The following FN1 variants were observed in gnomAD, a reference collection of about 807,000 sequenced individuals.
The protein encoded by FN1 is fibronectin 1.
In FN1, 106 loss-of-function variants were observed where a neutral mutation model predicts 297.3. That is an observed-to-expected ratio of 0.36 (90% CI 0.30 to 0.42). The LOEUF (loss-of-function observed/expected upper bound fraction) is 0.42, where lower values mean the gene tolerates loss of function less well. Ranked by LOEUF, FN1 falls within the 10% of genes least tolerant of loss-of-function variation. The pLI, the probability that FN1 is intolerant of heterozygous loss-of-function variation, is 1.00. For synonymous variants in FN1, 1,149 were observed against 1,152.6 expected (o/e 1.00, Z 0.06); for missense variants, 2,690 against 3,124.9 (o/e 0.86, Z 3.32).
Position 215,424,174 on chromosome 2 carries a change from C to T in FN1, c.1188G>A (p.Gln396=). ...TGTGGTCTGTGCAGAAAGAGTATTT[C>T]TGGTCCTGCTCATAATTCGAAGTTG... ...CSTTSNYEQD[Q]KYSFCTDHTV... The change falls in exon 8 of 46, where the codon CAG becomes CAA. Residue 396 remains glutamine (Q), a synonymous_variant. Coordinates refer to ENST00000354785, the MANE Select transcript of FN1 (RefSeq NM_212482.4). 6.2e-7 allele frequency: 1 copy of T among 1,614,202 alleles called. No homozygotes were observed. The highest frequency in any genetic ancestry group is 8.5e-7 in the Non-Finnish European group (1 of 1,180,042).
intron 30 of FN1, 56 bp downstream of exon 30, chr2:215,383,964 C>A: frequency 6.3e-7 from 1 of 1,580,616 alleles, no homozygotes; most frequent in Non-Finnish European, 8.7e-7. Context: ...GAGAACATTG[C>A]AAAACAGTAT....
At chr2:215,410,652 C>T (rs746218743) in intron 13 of FN1, among the ~76,000 whole-genome samples, 17 of 152,086 alleles carry the variant, frequency 1.1e-4, no homozygotes, top group Non-Finnish European at 2.1e-4. Context: ...GGATTAGAGG[C>T]GTGTGCCACC....
intron 22 of FN1, 37 bp downstream of exon 22, chr2:215,397,643 T>G: frequency 6.3e-7 from 1 of 1,599,288 alleles, no homozygotes; most frequent in African/African-American, 1.3e-5. Context: ...TAGAACAGTT[T>G]TAAAAACTAA....
intron 5 of FN1, among the ~76,000 whole-genome samples, chr2:215,428,836 C>T (rs1407865807): frequency 6.6e-6 from 1 of 151,896 alleles, no homozygotes; most frequent in Non-Finnish European, 1.5e-5. Flanking sequence ...ATGGTGAAAC[C>T]CCCGTCTCTA....
At chr2:215,361,828 A>C (rs1234145388) in intron 45 of FN1, 141 bp downstream of exon 45, 2 of 1,181,306 alleles carry the variant, frequency 1.7e-6, no homozygotes, top group African/African-American at 3.1e-5. Flanking sequence ...TATATTATGG[A>C]ATACAGTGTT....
At chr2:215,365,756 A>AT in intron 42 of FN1, 126 bp from the exon 43 acceptor site, 1 of 749,692 alleles carries the variant, frequency 1.3e-6, no homozygotes, top group South Asian at 1.7e-5. Flanking sequence ...CAAGTTAAAG[A>AT]TAAAAACCCC....
intron 17 of FN1, 47 bp downstream of exon 17, chr2:215,408,061 G>A (rs763202499): frequency 6.9e-7 from 1 of 1,444,364 alleles, no homozygotes; most frequent in African/African-American, 1.4e-5. Flanking sequence ...CCCTGCTGAT[G>A]TCATTAAGAT....
At chr2:215,431,039 C>T (rs1388960126) in intron 4 of FN1, among the ~76,000 whole-genome samples, 187 bp from the exon 5 acceptor site, 2 of 152,130 alleles carry the variant, frequency 1.3e-5, no homozygotes, top group African/African-American at 2.4e-5. Flanking sequence ...AAAGAAAGCT[C>T]AAGCTGAGTT....
At chr2:215,419,211 G>A (rs1288037684) in intron 12 of FN1, 31 bp downstream of exon 12, 19 of 1,609,752 alleles carry the variant, frequency 1.2e-5, no homozygotes, top group Non-Finnish European at 1.4e-5. Flanking sequence ...CCAATTGGCA[G>A]TTCTCAACTT....
chr2:215,382,160 C>G (rs1273777113), intron 32 of FN1, 52 bp downstream of exon 32: 1 of 1,201,626 alleles, frequency 8.3e-7, no homozygotes, highest in Admixed American at 1.7e-5. Context: ...CATTCAGACA[C>G]CCAAGAACAA....
At chr2:215,366,825 T>A (rs1395033190) in intron 42 of FN1, among the ~76,000 whole-genome samples, 9 of 152,126 alleles carry the variant, frequency 5.9e-5, no homozygotes, top group South Asian at 4.1e-4. Flanking sequence ...ACATACAAAC[T>A]TAAACGTAGT....
At chr2:215,391,867 T>C in intron 25 of FN1, 53 bp from the exon 26 acceptor site, 3 of 1,513,724 alleles carry the variant, frequency 2.0e-6, no homozygotes, top group Non-Finnish European at 2.8e-6. Flanking sequence ...AAATTAAAGC[T>C]AACGAAGTAG....
At chr2:215,410,490 G>C (rs2062454289) in intron 13 of FN1, among the ~76,000 whole-genome samples, 1 of 147,664 alleles carries the variant, frequency 6.8e-6, no homozygotes, top group Admixed American at 7.0e-5. Flanking sequence ...CATAGTTGCA[G>C]ACACTGGGCA....
chr2:215,428,548 ATC>A (rs1262455579), intron 5 of FN1, among the ~76,000 whole-genome samples: 3 of 152,202 alleles, frequency 2.0e-5, no homozygotes, highest in African/African-American at 7.2e-5. Flanking sequence ...GTCTAGTTTC[ATC>A]TCTCTGTCAA....
chr2:215,375,857 A>T, intron 36 of FN1, 139 bp from the exon 37 acceptor site: 1 of 698,494 alleles, frequency 1.4e-6, no homozygotes, highest in African/African-American at 1.8e-5. Flanking sequence ...TTTGAACAGT[A>T]AAGTAGAGCA....
At chr2:215,367,397 A>T (rs2054848894) in intron 42 of FN1, among the ~76,000 whole-genome samples, 1 of 152,176 alleles carries the variant, frequency 6.6e-6, no homozygotes, top group Non-Finnish European at 1.5e-5. Flanking sequence ...TATGTGTGTG[A>T]CGCAAAAGTG....
chr2:215,361,856 GA>G, intron 45 of FN1, 112 bp downstream of exon 45: 1 of 1,370,536 alleles, frequency 7.3e-7, no homozygotes, highest in Non-Finnish European at 1.0e-6. Flanking sequence ...AGTCATTTAT[GA>G]GTTGTTTTTT....
chr2:215,397,312 C>T (rs754330430), intron 22 of FN1, 89 bp from the exon 23 acceptor site: 41 of 921,860 alleles, frequency 4.4e-5, no homozygotes, highest in Non-Finnish European at 6.5e-5. Context: ...CCCTCTCTTC[C>T]ATGCTTCTTC....
intron 13 of FN1, among the ~76,000 whole-genome samples, chr2:215,412,060 G>T (rs2062727839): frequency 1.3e-5 from 2 of 152,116 alleles, no homozygotes; most frequent in Non-Finnish European, 2.9e-5. Context: ...TAAAATTAAT[G>T]ATGTAATAAG....
Sources: gnomAD v4.1 joint callset for allele counts (sites outside exome capture counted in the v4.1 genomes callset) on GRCh38, gnomAD v4.1.1 for gene constraint, MANE v1.5 for transcripts, NCBI Gene and HGNC (gene_info 2026-07-23, HGNC 2026-07-21) for gene names.